ZFP2: variants seen among roughly 807,000 people sequenced by gnomAD.
The protein encoded by ZFP2 is zinc finger protein ZFP2.
In ZFP2, 33 loss-of-function variants were observed where a neutral mutation model predicts 36.1. The ratio of observed to expected loss-of-function variants is 0.92; its 90% CI spans 0.69 to 1.22. The LOEUF (loss-of-function observed/expected upper bound fraction) is 1.22, where lower values mean the gene tolerates loss of function less well. Ranked by LOEUF, ZFP2 falls within the 50% of genes most tolerant of loss-of-function variation. The pLI is 0.00. For synonymous variants in ZFP2, 170 were observed against 178.0 expected (o/e 0.96, Z 0.36); for missense variants, 522 against 551.4 (o/e 0.95, Z 0.53).
intron 4 of ZFP2, among the ~76,000 whole-genome samples, chr5:178,928,816 TCTC>T (rs1288136693): frequency 2.0e-5 from 3 of 152,238 alleles, no homozygotes; most frequent in African/African-American, 4.8e-5. Context: ...ATGCCACATT[TCTC>T]CTCTGCACTG....
At chr5:178,905,836 C>G (rs886378199) in intron 1 of ZFP2, among the ~76,000 whole-genome samples, 1 of 152,024 alleles carries the variant, frequency 6.6e-6, no homozygotes, top group Non-Finnish European at 1.5e-5. Context: ...ACTGCAACCT[C>G]TGCCTCCTGA....
intron 3 of ZFP2, chr5:178,915,687 G>C (rs1047589211): frequency 6.6e-6 from 1 of 151,532 alleles, no homozygotes; most frequent in Non-Finnish European, 1.5e-5. Flanking sequence ...GTCTTTAGCC[G>C]GGCATGGTTG....
At chr5:178,925,144 C>T (rs930954172) in intron 4 of ZFP2, among the ~76,000 whole-genome samples, 3 of 119,330 alleles carry the variant, frequency 2.5e-5, no homozygotes, top group Middle Eastern at 9.2e-3. Flanking sequence ...CACACACACA[C>T]ACACACATAT....
At position 178,926,185 on chromosome 5, in the gene ZFP2, C is replaced by A. The variant is rs531972721; in HGVS notation, c.-77-5052C>A. Reference sequence around the variant, plus strand: ...TATGATGTCTTTTGATGACTAGAAGCACTTAATTTTCTCCCAACATTTTTC... The same window carrying A: ...TATGATGTCTTTTGATGACTAGAAGAACTTAATTTTCTCCCAACATTTTTC... On this transcript the variant is annotated intron_variant, in intron 4 of 4. Transcript: ENST00000361362. 6.0e-4 allele frequency among the ~76,000 whole-genome samples: 77 copies of A among 127,898 alleles called. 6 individuals carry two copies. Among genetic ancestry groups the A allele is most frequent in the Middle Eastern group, 7.6e-3 (2 of 264 alleles). 83.9% of individuals were successfully genotyped at this position (127,898 alleles called of 152,430 possible).
chr5:178,913,894 T>G (rs1758360069), intron 3 of ZFP2: 1 of 150,290 alleles, frequency 6.7e-6, no homozygotes, highest in Admixed American at 6.7e-5. Flanking sequence ...TCTCGCTGTG[T>G]CACCCAGGCT....
At chr5:178,903,719 C>T (rs1278509058) in intron 1 of ZFP2, among the ~76,000 whole-genome samples, 1 of 152,188 alleles carries the variant, frequency 6.6e-6, no homozygotes, top group Non-Finnish European at 1.5e-5. Context: ...CCTGTAATCC[C>T]AACACTTTGG....
chr5:178,911,380 A>G (rs1758295124), intron 1 of ZFP2, among the ~76,000 whole-genome samples: 1 of 152,024 alleles, frequency 6.6e-6, no homozygotes, highest in Non-Finnish European at 1.5e-5. Flanking sequence ...TTTGATGTGG[A>G]TTTTTTCCAA....
In ZFP2 at chr5:178,931,975, A is replaced by G. The variant is rs770735187; in HGVS notation, c.662A>G (p.Lys221Arg). The G allele has an allele frequency of 7.4e-6, 12 of 1,613,988 alleles. No homozygotes were observed. The highest frequency in any genetic ancestry group is 1.1e-5 in the South Asian group (1 of 91,046). Residue 221 changes from lysine to arginine, a missense_variant, in exon 5 of 5, where the codon AAA (lysine) becomes AGA (arginine). Lys to Arg is a conservative substitution (Grantham distance 26). Transcript: ENST00000361362. ...CCCTACAAATGTAATGAATGTGGTAAAGCTTTTACCCAAAGCATGAATTTG... is the reference window on the plus strand; with the variant it reads ...CCCTACAAATGTAATGAATGTGGTAGAGCTTTTACCCAAAGCATGAATTTG... ...EKPYKCNECG[K>R]AFTQSMNLTV...
intron 3 of ZFP2, chr5:178,913,921 A>G (rs1758360563): frequency 6.6e-6 from 1 of 150,436 alleles, no homozygotes; most frequent in Admixed American, 6.6e-5. Context: ...CAGTGGCACA[A>G]TCTCAGCTCA....
rs33974182 is a variant in ZFP2 at position 178,927,663 on chromosome 5, ATGTGTGTG to A, written c.-77-3532_-77-3525del. Reference sequence around the variant, plus strand: ...AGGTGCACACCATCATACCTGGCCAATGTGTGTGTGTGTGTGTGTGTGTGTGTGTGTGT... The same window carrying A: ...AGGTGCACACCATCATACCTGGCCAATGTGTGTGTGTGTGTGTGTGTGTGT... On this transcript the variant is annotated intron_variant, in intron 4 of 4. Coordinates refer to ENST00000361362, the MANE Select transcript of ZFP2 (RefSeq NM_030613.4). Among the ~76,000 whole-genome samples the A allele has an allele frequency of 7.0e-3, 647 of 92,568 alleles. 5 individuals carry two copies. Among genetic ancestry groups the A allele is most frequent in the African/African-American group, 0.019 (533 of 28,154 alleles). The allele number at this position is 92,568 out of a possible 152,430, so 60.7% of individuals were successfully genotyped here.
chr5:178,916,826 G>GT (rs1350890210), intron 4 of ZFP2, 116 bp downstream of exon 4: 1 of 780,922 alleles, frequency 1.3e-6, no homozygotes, highest in Non-Finnish European at 1.6e-6. Context: ...GAGTTTAATG[G>GT]TAATTCTCGC....
intron 4 of ZFP2, among the ~76,000 whole-genome samples, chr5:178,920,551 C>T (rs1034559502): frequency 2.6e-5 from 4 of 151,774 alleles, no homozygotes; most frequent in East Asian, 1.9e-4. Context: ...GCAGGAGAAT[C>T]GCTTGAACCC....
At chr5:178,896,189 G>A (rs1757932390) in intron 1 of ZFP2, among the ~76,000 whole-genome samples, 1 of 152,204 alleles carries the variant, frequency 6.6e-6, no homozygotes. Flanking sequence ...CTGGCGGCGG[G>A]AGCACGCTGG....
At chr5:178,897,298 A>G (rs1158377360) in intron 1 of ZFP2, among the ~76,000 whole-genome samples, 1 of 152,178 alleles carries the variant, frequency 6.6e-6, no homozygotes, top group Non-Finnish European at 1.5e-5. Flanking sequence ...AAAAGATAGG[A>G]TTGTTTACAT....
intron 1 of ZFP2, chr5:178,910,362 G>T: frequency 9.4e-7 from 1 of 1,061,850 alleles, no homozygotes; most frequent in Non-Finnish European, 1.5e-6. Context: ...CTGCAAGGAA[G>T]ACTCCTCGGC....
intron 4 of ZFP2, chr5:178,922,823 T>C: frequency 2.4e-6 from 3 of 1,243,496 alleles, no homozygotes; most frequent in South Asian, 1.5e-5. Flanking sequence ...CTGTTTTTTA[T>C]GTAGTTACAA....
intron 1 of ZFP2, among the ~76,000 whole-genome samples, chr5:178,912,260 A>T (rs1210547023): frequency 6.6e-6 from 1 of 152,166 alleles, no homozygotes; most frequent in Non-Finnish European, 1.5e-5. Context: ...GTCATCATGT[A>T]CCATTTGGGG....
At chr5:178,901,795 TTG>T (rs1457399951) in intron 1 of ZFP2, among the ~76,000 whole-genome samples, 58 of 107,070 alleles carry the variant, frequency 5.4e-4, no homozygotes, top group African/African-American at 1.5e-3. Context: ...GTTTTTTGGT[TTG>T]TTTTTTTTTT....
At chr5:178,930,193 T>A (rs1455614247) in intron 4 of ZFP2, among the ~76,000 whole-genome samples, 1 of 151,804 alleles carries the variant, frequency 6.6e-6, no homozygotes, top group Non-Finnish European at 1.5e-5. Flanking sequence ...TACATTTCAA[T>A]ATGAAATTTG....
Sources: allele counts gnomAD v4.1 joint callset (sites outside exome capture counted in the v4.1 genomes callset), GRCh38; gene constraint gnomAD v4.1.1; transcripts MANE v1.5; gene names NCBI Gene and HGNC (gene_info 2026-07-23, HGNC 2026-07-21).